Variants in DST observed in about 807,000 individuals in gnomAD.
DST encodes the protein dystonin.
A neutral mutation model predicts 875.2 loss-of-function variants in DST; 253 were observed. That is an observed-to-expected ratio of 0.29 (90% confidence interval 0.26 to 0.32). The LOEUF is 0.32. Ranked by LOEUF, DST falls within the 10% of genes least tolerant of loss-of-function variation. The pLI is 1.00. For synonymous variants in DST, 3,124 were observed against 3,197.1 expected, an observed-to-expected ratio of 0.98 and a Z score of 0.77; for missense variants, 8,287 against 9,111.6, an observed-to-expected ratio of 0.91 and a Z score of 3.68.
rs200110251 is a variant in DST, at chr6:56,494,058, G to A, written c.20346C>T (p.Asn6782=). ...AETNIDQDIN[N]LKEKWESVET... Reference sequence around the variant, plus strand: ...CCACCGATTCCCATTTTTCTTTCAAGTTATTTATGTCTTGGTCAATATTTG... The same window carrying A: ...CCACCGATTCCCATTTTTCTTTCAAATTATTTATGTCTTGGTCAATATTTG... Residue 6782 remains asparagine, a synonymous_variant, in exon 83 of 104, where the codon AAC becomes AAT. Transcript: ENST00000680361. 325 of 1,604,118 alleles carry A rather than the reference G, an allele frequency of 2.0e-4. 3 individuals carry two copies. The East Asian group carries it at 4.8e-3, about 24-fold the overall frequency.
intron 83 of DST, among the ~76,000 whole-genome samples, chr6:56,493,429 A>G (rs1332274596): frequency 6.6e-6 from 1 of 152,178 alleles, no homozygotes; most frequent in Non-Finnish European, 1.5e-5. Context: ...GACTCAAAAT[A>G]TTATGAAATA....
chr6:56,617,389 A>G lies in DST; in HGVS notation c.4930-2905T>C, dbSNP rs1324335331. On this transcript the variant is annotated intron_variant, in intron 36 of 103. Coordinates refer to ENST00000680361, the MANE Select transcript of DST (RefSeq NM_001374736.1). ...CTTGTTTTAATGTTGTGACTTCTGT[A>G]TGCATATCATACTGCTTGTTCTTAG... is the stretch of plus-strand genomic sequence containing the variant. 2 of 1,613,646 alleles carry G rather than the reference A, an allele frequency of 1.2e-6. No individual in the cohort carries two copies. The highest frequency in any genetic ancestry group is 1.7e-6 in the Non-Finnish European group (2 of 1,179,902).
chr6:56,508,191 G>A (rs780667802), intron 75 of DST, among the ~76,000 whole-genome samples: 4 of 151,956 alleles, frequency 2.6e-5, no homozygotes, highest in Admixed American at 6.6e-5. Flanking sequence ...GTACCACCAC[G>A]CTTAACTAAT....
rs1232285953 is a variant in DST at position 56,783,058 on chromosome 6, T to C, written c.626-47769A>G. Among the ~76,000 whole-genome samples the C allele has an allele frequency of 3.3e-5, 5 of 152,310 alleles. No individual in the cohort carries two copies. The South Asian group carries it at 6.2e-4, about 19-fold the overall frequency. On this transcript the variant is annotated intron_variant, in intron 4 of 103. Coordinates refer to ENST00000680361, the MANE Select transcript of DST (RefSeq NM_001374736.1). ...TTTGAGTGAGTTTCTTAATCCTGAG[T>C]TCTAGTTTGATTGCACTGTGGTCTG...
rs9370541 is a variant in DST at position 56,598,042 on chromosome 6, G to A, written c.11929-36C>T. 530,168 of 1,523,856 alleles carry A rather than the reference G, an allele frequency of 0.35. 94,072 individuals are homozygous for A. The highest frequency in any genetic ancestry group is 0.39 in the Admixed American group (19,270 of 49,394). The allele number at this position is 1,523,856 out of a possible 1,614,324, so 94.4% of individuals were successfully genotyped here. A position where few individuals can be genotyped will look rare whatever the true frequency, so the allele number is the denominator to read the frequency against. Reference sequence around the variant, plus strand: ...AAAGTTCACAGGAGGAATTCAGAACGTGGGCCAAGGCATAGTTTTAAGACA... The same window carrying A: ...AAAGTTCACAGGAGGAATTCAGAACATGGGCCAAGGCATAGTTTTAAGACA... On this transcript the variant is annotated intron_variant, in intron 46 of 103. Coordinates refer to ENST00000680361, the MANE Select transcript of DST (RefSeq NM_001374736.1).
At chr6:56,504,871 GA>G (rs112268236) in intron 77 of DST, among the ~76,000 whole-genome samples, 6 of 150,738 alleles carry the variant, frequency 4.0e-5, no homozygotes, top group Non-Finnish European at 7.4e-5. Context: ...AATAAAAAAA[GA>G]AAAAAAAATT....
chr6:56,469,427 T>C (rs959598325), intron 97 of DST, among the ~76,000 whole-genome samples: 5 of 151,822 alleles, frequency 3.3e-5, no homozygotes, highest in African/African-American at 1.2e-4. Context: ...ACCGAGTTAA[T>C]TGAGATTTTG....
At position 56,685,650 on chromosome 6, in the gene DST, T is replaced by C. The variant is rs146355155; in HGVS notation, c.1047+14003A>G. 2.0e-5 allele frequency among the ~76,000 whole-genome samples: 3 copies of C among 152,166 alleles called. No individual in the cohort carries two copies. In the East Asian group the frequency reaches 5.8e-4, roughly 29 times the overall value. ...AGCCAGGCGTGGTGGTGGATGTCTG[T>C]AATCCCAGCTACTCGTGAGGCTGAG... On this transcript the variant is annotated intron_variant, in intron 9 of 103. Transcript: ENST00000680361.
At chr6:56,592,481 T>TA (rs2098295655) in intron 48 of DST, 123 bp from the exon 49 acceptor site, 2 of 828,968 alleles carry the variant, frequency 2.4e-6, no homozygotes, top group African/African-American at 3.5e-5. Flanking sequence ...CCAAAGTTAA[T>TA]AAAAACTCTG....
intron 4 of DST, among the ~76,000 whole-genome samples, chr6:56,829,141 C>G (rs1342839997): frequency 2.6e-5 from 4 of 152,118 alleles, no homozygotes; most frequent in Admixed American, 6.6e-5. Flanking sequence ...GAAAAAGGAG[C>G]CTTGGAGGGG....
chr6:56,620,312 T>C (rs1259558075), intron 36 of DST: 2 of 1,614,186 alleles, frequency 1.2e-6, no homozygotes, highest in Non-Finnish European at 1.7e-6. Context: ...TTCCTCCAAC[T>C]GATTGCGAAA....
At chr6:56,720,954 C>G (rs1243942869) in intron 5 of DST, among the ~76,000 whole-genome samples, 1 of 152,038 alleles carries the variant, frequency 6.6e-6, no homozygotes, top group Non-Finnish European at 1.5e-5. Context: ...CCCCACCCCC[C>G]AGACGGGGCA....
intron 9 of DST, among the ~76,000 whole-genome samples, chr6:56,680,589 T>C (rs2099152369): frequency 6.6e-6 from 1 of 152,238 alleles, no homozygotes; most frequent in African/African-American, 2.4e-5. Context: ...ATCTTTCTTC[T>C]TTGGCTTCCA....
Position 56,589,393 on chromosome 6 carries a change from GA to G in DST, c.12903+2788del, listed in dbSNP as rs552344630. 4.1e-3 allele frequency among the ~76,000 whole-genome samples: 622 copies of G among 151,522 alleles called. 1 individual carries two copies. Among genetic ancestry groups the G allele is most frequent in the African/African-American group, 0.014 (568 of 41,366 alleles). On this transcript the variant is annotated intron_variant, in intron 49 of 103. Coordinates refer to ENST00000680361, the MANE Select transcript of DST (RefSeq NM_001374736.1). The stretch of plus-strand genomic sequence containing the variant: ...AATAGTTGTTTATAGTGCTATTTTG[GA>G]AAAAAAACTGTTAATTACAGTATTC...
At chr6:56,475,436 A>C (rs543270029) in intron 92 of DST, among the ~76,000 whole-genome samples, 18 of 127,446 alleles carry the variant, frequency 1.4e-4, no homozygotes, top group African/African-American at 6.2e-4. Flanking sequence ...CACACACACA[A>C]AATAATGGCA....
At chr6:56,830,163 CA>C (rs1206983113) in intron 4 of DST, among the ~76,000 whole-genome samples, 22 of 152,076 alleles carry the variant, frequency 1.4e-4, no homozygotes, top group African/African-American at 5.1e-4. Context: ...TAATATTAAC[CA>C]AAAACTGTCA....
Position 56,553,536 on chromosome 6 carries a change from T to C in DST, c.15256A>G (p.Ile5086Val). The change falls in exon 61 of 104, where the codon ATA becomes GTA. Residue 5086 changes from isoleucine (I) to valine (V), a missense_variant. Ile to Val is a conservative substitution (Grantham distance 29). Coordinates refer to ENST00000680361, the MANE Select transcript of DST (RefSeq NM_001374736.1). ...TCCAAGACATCGAGTTTGGCAGATA[T>C]TGGATGAGATTTGTTTTGCTCTTCT... Reference protein sequence around the residue: ...KKEEQNKSHPISAKLDVLESL... With the variant: ...KKEEQNKSHPVSAKLDVLESL... 1.9e-6 allele frequency: 3 copies of C among 1,613,986 alleles called. No homozygotes were observed. Among genetic ancestry groups the C allele is most frequent in the Non-Finnish European group, 2.5e-6 (3 of 1,179,892 alleles).
intron 4 of DST, among the ~76,000 whole-genome samples, chr6:56,782,182 C>A (rs2099695460): frequency 6.6e-6 from 1 of 152,078 alleles, no homozygotes; most frequent in Admixed American, 6.6e-5. Flanking sequence ...GTCTAAAATT[C>A]TCTTTTTTGG....
intron 9 of DST, among the ~76,000 whole-genome samples, chr6:56,690,372 T>G (rs2099220172): frequency 6.6e-6 from 1 of 152,122 alleles, no homozygotes; most frequent in African/African-American, 2.4e-5. Context: ...AATAAAAATA[T>G]AACATGTTGA....
Sources: allele counts gnomAD v4.1 joint callset (sites outside exome capture counted in the v4.1 genomes callset), GRCh38; gene constraint gnomAD v4.1.1; transcripts MANE v1.5; gene names NCBI Gene and HGNC (gene_info 2026-07-23, HGNC 2026-07-21).